DPY19L4: variants seen among roughly 807,000 people sequenced by gnomAD.
DPY19L4 encodes the protein dpy-19 like 4.
In DPY19L4, 97 loss-of-function variants were observed where a neutral mutation model predicts 102.8. That is an observed-to-expected ratio of 0.94 (90% CI 0.80 to 1.12). The LOEUF (loss-of-function observed/expected upper bound fraction) is 1.12, where lower values mean the gene tolerates loss of function less well. Ranked by LOEUF, DPY19L4 falls within the 50% of genes most tolerant of loss-of-function variation. The probability of loss-of-function intolerance (pLI) is 0.00; values close to 1 mark genes in which losing one functional copy is unlikely to be tolerated. For missense variants in DPY19L4, 815 were observed against 850.4 expected, an observed-to-expected ratio of 0.96 and a Z score of 0.52; for synonymous variants, 252 against 283.1, an observed-to-expected ratio of 0.89 and a Z score of 1.10.
intron 1 of DPY19L4, 50 bp from the exon 2 acceptor site, chr8:94,726,281 A>G (rs780124871): frequency 1.3e-6 from 2 of 1,508,402 alleles, no homozygotes; most frequent in South Asian, 2.6e-5. Context: ...CAGGATACAG[A>G]TTAAAACAAT....
chr8:94,736,432 A>G (rs1476737515), intron 3 of DPY19L4, among the ~76,000 whole-genome samples: 1 of 152,240 alleles, frequency 6.6e-6, no homozygotes. Context: ...TGTTTAATCT[A>G]GTCTTTCTCA....
intron 17 of DPY19L4, among the ~76,000 whole-genome samples, chr8:94,784,608 T>C (rs1813579592): frequency 6.6e-6 from 1 of 152,104 alleles, no homozygotes; most frequent in Non-Finnish European, 1.5e-5. Flanking sequence ...TTTGTATTTT[T>C]TAATAGAGAC....
intron 16 of DPY19L4, 27 bp downstream of exon 16, chr8:94,781,193 T>A: frequency 6.7e-7 from 1 of 1,492,796 alleles, no homozygotes; most frequent in Non-Finnish European, 9.0e-7. Context: ...CCAAGACTAT[T>A]ATTAAGCTAT....
intron 6 of DPY19L4, among the ~76,000 whole-genome samples, chr8:94,749,121 C>T (rs769635688): frequency 7.9e-5 from 12 of 151,408 alleles, no homozygotes; most frequent in South Asian, 2.1e-4. Context: ...GAGAATAGCA[C>T]GGGAAAGACT....
intron 6 of DPY19L4, among the ~76,000 whole-genome samples, chr8:94,753,538 G>A (rs1008629346): frequency 7.2e-5 from 11 of 152,116 alleles, no homozygotes; most frequent in African/African-American, 2.7e-4. Context: ...AACAGAAAAT[G>A]GTCAAAATAT....
At chr8:94,761,562 A>G in intron 7 of DPY19L4, 138 bp from the exon 8 acceptor site, 2 of 791,132 alleles carry the variant, frequency 2.5e-6, no homozygotes, top group African/African-American at 1.8e-5. Flanking sequence ...TAATTATGTG[A>G]TTTAAAAACA....
At chr8:94,766,873 A>G (rs1375179110) in intron 11 of DPY19L4, among the ~76,000 whole-genome samples, 188 bp downstream of exon 11, 3 of 151,864 alleles carry the variant, frequency 2.0e-5, no homozygotes, top group African/African-American at 7.3e-5. Context: ...GCAAAACCCC[A>G]TCTCTAAAAA....
chr8:94,773,428 G>A (rs1813019809), intron 13 of DPY19L4, among the ~76,000 whole-genome samples: 1 of 151,948 alleles, frequency 6.6e-6, no homozygotes, highest in Admixed American at 6.6e-5. Context: ...TTATATTTAA[G>A]TTTTTGGTTT....
At chr8:94,751,410 G>C (rs375698792) in intron 6 of DPY19L4, among the ~76,000 whole-genome samples, 1 of 151,860 alleles carries the variant, frequency 6.6e-6, no homozygotes, top group African/African-American at 2.4e-5. Flanking sequence ...GAGCCACCAC[G>C]CCCGGGACCT....
intron 1 of DPY19L4, among the ~76,000 whole-genome samples, 153 bp from the exon 2 acceptor site, chr8:94,726,178 G>T (rs942344999): frequency 6.6e-6 from 1 of 152,136 alleles, no homozygotes; most frequent in Admixed American, 6.6e-5. Flanking sequence ...AGATAATTTT[G>T]CAGGGGTGCC....
chr8:94,773,486 T>G (rs1171051381), intron 13 of DPY19L4, among the ~76,000 whole-genome samples: 1 of 151,762 alleles, frequency 6.6e-6, no homozygotes, highest in Non-Finnish European at 1.5e-5. Context: ...GGCTGGAGTG[T>G]AGTGGCGTGA....
intron 6 of DPY19L4, among the ~76,000 whole-genome samples, chr8:94,741,571 A>G (rs763917079): frequency 6.6e-6 from 1 of 152,230 alleles, no homozygotes; most frequent in Non-Finnish European, 1.5e-5. Context: ...CTCAGTGACA[A>G]AAACCTTTGA....
chr8:94,751,719 G>A (rs541422561), intron 6 of DPY19L4, among the ~76,000 whole-genome samples: 77 of 151,082 alleles, frequency 5.1e-4, no homozygotes, highest in Middle Eastern at 3.6e-3. Flanking sequence ...CGAACTCCTG[G>A]GCTCAAACGA....
chr8:94,792,172 G>A lies in DPY19L4; in HGVS notation c.*2262G>A, dbSNP rs1813905297. The A allele has an allele frequency of 6.6e-6, 1 of 152,072 alleles. No homozygotes were observed. Among genetic ancestry groups the A allele is most frequent in the Non-Finnish European group, 1.5e-5 (1 of 68,004 alleles). The allele number at this position is 152,072 out of a possible 1,614,324, so 9.4% of individuals were successfully genotyped here. On this transcript the variant is annotated 3_prime_UTR_variant, in exon 19 of 19. Transcript: ENST00000414645. ...GGAATTTCTCAAAGAAATAAAAAAT[G>A]TTCTTTGCCCTTGATACTGCAAACC...
chr8:94,749,313 A>G (rs1474562510), intron 6 of DPY19L4, among the ~76,000 whole-genome samples: 1 of 152,190 alleles, frequency 6.6e-6, no homozygotes, highest in Non-Finnish European at 1.5e-5. Context: ...CTGCTTTAGA[A>G]GATGTTGGGC....
intron 2 of DPY19L4, among the ~76,000 whole-genome samples, chr8:94,728,102 T>A (rs1357229301): frequency 6.6e-6 from 1 of 152,154 alleles, no homozygotes; most frequent in East Asian, 1.9e-4. Flanking sequence ...GCTGGGATTA[T>A]AGGCATGTGC....
Position 94,783,774 on chromosome 8 carries a change from AT to A in DPY19L4, c.1821del (p.Asp607GlufsTer27). On this transcript the variant is annotated frameshift_variant, in exon 17 of 19. Coordinates refer to ENST00000414645, the MANE Select transcript of DPY19L4 (RefSeq NM_181787.3). LOFTEE classifies it high-confidence loss of function. The stretch of plus-strand genomic sequence containing the variant: ...GTGACAAGTTTGCCTCTTTACAATG[AT>A]GATGATCTTCTCAAGAGAAATGAAA... ...WMVTSLPLYN[D>X]DDLLKRNENI... The A allele has an allele frequency of 6.2e-7, 1 of 1,614,118 alleles. No homozygotes were observed.
In DPY19L4 at chr8:94,789,819, A is replaced by G. The variant is rs1813818585; in HGVS notation, c.2081A>G (p.Tyr694Cys). 1 of 1,611,858 alleles carries G rather than the reference A, an allele frequency of 6.2e-7. No individual in the cohort carries two copies. The highest frequency in any genetic ancestry group is 1.7e-5 in the Admixed American group (1 of 59,774). The change falls in exon 19 of 19, where the codon TAT (tyrosine) becomes TGT (cysteine). Residue 694 changes from tyrosine to cysteine, a missense_variant. Coordinates refer to ENST00000414645, the MANE Select transcript of DPY19L4 (RefSeq NM_181787.3). ...TTTTGTCATGAGGTCAAAATTAACT[A>G]TTCTCCATATGTGAATTATTTCACT... The part of the protein sequence containing the change: ...GRFCHEVKIN[Y>C]SPYVNYFTRV...
At chr8:94,752,872 A>G (rs903496394) in intron 6 of DPY19L4, among the ~76,000 whole-genome samples, 5 of 151,602 alleles carry the variant, frequency 3.3e-5, no homozygotes, top group Admixed American at 3.3e-4. Flanking sequence ...TCACCATGTT[A>G]GCCAGGATGG....
Sources: gnomAD v4.1 joint callset for allele counts (sites outside exome capture counted in the v4.1 genomes callset) on GRCh38, gnomAD v4.1.1 for gene constraint, MANE v1.5 for transcripts, NCBI Gene and HGNC (gene_info 2026-07-23, HGNC 2026-07-21) for gene names.